Variants in PMEL observed in about 807,000 individuals in gnomAD.
PMEL encodes the protein premelanosome protein.
Under a neutral mutation model 64.9 loss-of-function variants are expected in PMEL, and 53 were observed. That is an observed-to-expected ratio of 0.82 (90% CI 0.66 to 1.03). The LOEUF is 1.03. Among genes scored for constraint, PMEL ranks in the 50% least tolerant of loss-of-function variants. The pLI is 0.00. For missense variants in PMEL, 716 were observed against 814.9 expected (o/e 0.88, Z 1.48); for synonymous variants, 299 against 316.2 (o/e 0.95, Z 0.58).
chr12:55,958,980 A>G (rs1291509030), intron 3 of PMEL, among the ~76,000 whole-genome samples: 1 of 150,528 alleles, frequency 6.6e-6, no homozygotes, highest in Non-Finnish European at 1.5e-5. Flanking sequence ...GGGTCTTGCT[A>G]TATTGCCAGG....
chr12:55,960,082 G>A (rs368988099), intron 3 of PMEL, among the ~76,000 whole-genome samples: 2 of 150,880 alleles, frequency 1.3e-5, no homozygotes, highest in Non-Finnish European at 3.0e-5. Context: ...TCAGCTACTC[G>A]GGAGGCTACT....
chr12:55,964,789 C>A (rs553739735), intron 1 of PMEL, among the ~76,000 whole-genome samples: 1 of 151,830 alleles, frequency 6.6e-6, no homozygotes, highest in Non-Finnish European at 1.5e-5. Flanking sequence ...CCATGCCCAG[C>A]TAATTTTTGT....
At chr12:55,956,073 C>T (rs756650242) in intron 7 of PMEL, 30 bp downstream of exon 7, 1 of 1,480,632 alleles carries the variant, frequency 6.8e-7, no homozygotes, top group Non-Finnish European at 9.4e-7. Context: ...ACAGCTGCCT[C>T]CATCAGCCAC....
At position 55,957,481 on chromosome 12, in the gene PMEL, A is replaced by G; in HGVS notation, c.822T>C (p.Leu274=). Residue 274 remains leucine, a synonymous_variant, in exon 6 of 11, where the codon CTT becomes CTC. Coordinates refer to ENST00000548747, the MANE Select transcript of PMEL (RefSeq NM_001384361.1). ...DSSGTLISRA[L]VVTHTYLEPG... ...GCTCCAGGTAAGTATGAGTGACCAC[A>G]AGTGCCCGAGAGATCAGGGTTCCAC... is the stretch of plus-strand genomic sequence containing the variant. 1 of 1,614,000 alleles carries G rather than the reference A, an allele frequency of 6.2e-7. No individual in the cohort carries two copies. Among genetic ancestry groups the G allele is most frequent in the Non-Finnish European group, 8.5e-7 (1 of 1,179,992 alleles).
chr12:55,964,625 C>A (rs1592776740), intron 1 of PMEL, among the ~76,000 whole-genome samples: 1 of 151,662 alleles, frequency 6.6e-6, no homozygotes, highest in African/African-American at 2.4e-5. Context: ...CTTTTCTTTT[C>A]TTTTCTTTTT....
At chr12:55,956,390 C>T in intron 6 of PMEL, 171 bp from the exon 7 acceptor site, 1 of 559,120 alleles carries the variant, frequency 1.8e-6, no homozygotes, top group Admixed American at 3.1e-5. Context: ...GAAACTGAGG[C>T]CCAGAAGAAG....
intron 6 of PMEL, chr12:55,956,481 A>C (rs186779335): frequency 7.0e-6 from 3 of 429,584 alleles, no homozygotes; most frequent in African/African-American, 5.9e-5. Context: ...ACCCCACACT[A>C]TGTCAGGTCC....
chr12:55,958,062 C>G lies in PMEL; in HGVS notation c.492G>C (p.Gly164=). The G allele has an allele frequency of 6.2e-7, 1 of 1,614,078 alleles. No homozygotes were observed. Among genetic ancestry groups the G allele is most frequent in the Non-Finnish European group, 8.5e-7 (1 of 1,179,988 alleles). ...KTWGQYWQVL[G]GPVSGLSIGT... ...CAATGCTCAGCCCAGACACTGGGCC[C>G]CCTAGAACTTGCCAGTATTGGCCTG... is the stretch of plus-strand genomic sequence containing the variant. The change falls in exon 5 of 11, where the codon GGG becomes GGC. Residue 164 remains glycine (G), a synonymous_variant. Coordinates refer to ENST00000548747, the MANE Select transcript of PMEL (RefSeq NM_001384361.1).
At chr12:55,958,775 G>T in intron 3 of PMEL, 168 bp from the exon 4 acceptor site, 3 of 667,860 alleles carry the variant, frequency 4.5e-6, no homozygotes, top group South Asian at 2.0e-5. Flanking sequence ...GGGGTTGAGG[G>T]TGTGGAAACT....
chr12:55,957,240 T>C lies in PMEL; in HGVS notation c.1063A>G (p.Thr355Ala), dbSNP rs766383949. The change falls in exon 6 of 11, where the codon ACC becomes GCC. Residue 355 changes from threonine to alanine, a missense_variant. Physicochemically the swap from Thr to Ala is moderately conservative, Grantham distance 58 (BLOSUM62 0). Transcript: ENST00000548747. The part of the protein sequence containing the change: ...PSGTTSVQVP[T>A]TEVISTAPVQ... ...GGTGCAGTGCTTATGACTTCAGTGGTTGGCACCTGCACAGATGTGGTTCCA... is the reference window on the plus strand; with the variant it reads ...GGTGCAGTGCTTATGACTTCAGTGGCTGGCACCTGCACAGATGTGGTTCCA... The C allele has an allele frequency of 6.2e-7, 1 of 1,614,172 alleles. No homozygotes were observed. The highest frequency in any genetic ancestry group is 1.1e-5 in the South Asian group (1 of 91,090).
intron 1 of PMEL, 28 bp from the exon 2 acceptor site, chr12:55,961,760 T>G (rs780293458): frequency 2.1e-6 from 3 of 1,462,862 alleles, no homozygotes; most frequent in South Asian, 1.1e-5. Flanking sequence ...TGAAGGGCCC[T>G]AGGATCCTTT....
rs779563246 is a variant in PMEL, at chr12:55,955,649, A to G, written c.1577T>C (p.Met526Thr). ...CTGGCACCCTGGCGATGAGATCTCCATGCAGGCTTCCTTGGGCAGCCTGGA... is the reference window on the plus strand; with the variant it reads ...CTGGCACCCTGGCGATGAGATCTCCGTGCAGGCTTCCTTGGGCAGCCTGGA... Reference protein sequence around the residue: ...CQGGLPKEACMEISSPGCQPP... With the variant: ...CQGGLPKEACTEISSPGCQPP... The change falls in exon 9 of 11, where the codon ATG (methionine) becomes ACG (threonine). Residue 526 changes from methionine (M) to threonine (T), a missense_variant. Transcript: ENST00000548747. 6 of 1,612,982 alleles carry G rather than the reference A, an allele frequency of 3.7e-6. No homozygotes were observed. In the African/African-American group the frequency reaches 6.7e-5, roughly 18 times the overall value.
chr12:55,955,409 C>T (rs1888827483), intron 9 of PMEL, 48 bp from the exon 10 acceptor site: 1 of 1,612,266 alleles, frequency 6.2e-7, no homozygotes, highest in Non-Finnish European at 8.5e-7. Context: ...CTGCTGCTTG[C>T]CAGCTGCCCT....
chr12:55,956,848 G>T, intron 6 of PMEL, 101 bp downstream of exon 6: 2 of 1,299,552 alleles, frequency 1.5e-6, no homozygotes, highest in Non-Finnish European at 2.2e-6. Context: ...GGACCATAGT[G>T]CTAAGCAAAG....
intron 10 of PMEL, among the ~76,000 whole-genome samples, chr12:55,954,724 C>T (rs377561672): frequency 1.3e-5 from 2 of 152,054 alleles, no homozygotes; most frequent in Admixed American, 1.3e-4. Flanking sequence ...GCCAACATGG[C>T]GAAACCCTGT....
At chr12:55,958,719 C>G (rs1372633962) in intron 3 of PMEL, 112 bp from the exon 4 acceptor site, 1 of 1,068,516 alleles carries the variant, frequency 9.4e-7, no homozygotes, top group Non-Finnish European at 1.4e-6. Context: ...TATTCCCTAG[C>G]TAGAAAGTAC....
chr12:55,966,657 G>A, upstream of PMEL: 3 of 1,064,968 alleles, frequency 2.8e-6, no homozygotes, highest in Non-Finnish European at 3.4e-6. Flanking sequence ...AACTTGTCTA[G>A]CCCCCAAGAA....
intron 3 of PMEL, among the ~76,000 whole-genome samples, chr12:55,960,931 C>G (rs1889078226): frequency 6.7e-6 from 1 of 149,630 alleles, no homozygotes; most frequent in African/African-American, 2.5e-5. Flanking sequence ...AGGCCGGGTG[C>G]GATGGCTCAC....
chr12:55,966,700 GA>G (rs1889315593), upstream of PMEL: 4 of 1,109,880 alleles, frequency 3.6e-6, no homozygotes, highest in South Asian at 1.1e-4. Flanking sequence ...CATTTGCGGG[GA>G]GGAGCGCTGG....
Sources: allele counts gnomAD v4.1 joint callset (sites outside exome capture counted in the v4.1 genomes callset), GRCh38; gene constraint gnomAD v4.1.1; transcripts MANE v1.5; gene names NCBI Gene and HGNC (gene_info 2026-07-23, HGNC 2026-07-21).